HIBADH: variants seen among roughly 807,000 people sequenced by gnomAD.
HIBADH encodes 3-hydroxyisobutyrate dehydrogenase, also known as 3-hydroxyisobutyrate dehydrogenase, mitochondrial.
Under a neutral mutation model 36.1 loss-of-function variants are expected in HIBADH, and 25 were observed. The ratio of observed to expected loss-of-function variants is 0.69; its 90% CI spans 0.50 to 0.97. HIBADH has a LOEUF of 0.97. Among genes scored for constraint, HIBADH ranks in the 50% least tolerant of loss-of-function variants. The probability of loss-of-function intolerance (pLI) is 0.00; values close to 1 mark genes in which losing one functional copy is unlikely to be tolerated. For missense variants in HIBADH, 421 were observed against 418.0 expected, an observed-to-expected ratio of 1.01 and a Z score of -0.06; for synonymous variants, 160 against 149.5, an observed-to-expected ratio of 1.07 and a Z score of -0.51.
intron 4 of HIBADH, among the ~76,000 whole-genome samples, chr7:27,614,614 A>G (rs564363234): frequency 6.6e-6 from 1 of 152,248 alleles, no homozygotes; most frequent in Non-Finnish European, 1.5e-5. Context: ...TGTCCTTGCA[A>G]TAGCATGGAT....
intron 4 of HIBADH, among the ~76,000 whole-genome samples, chr7:27,583,463 T>C (rs1231230011): frequency 2.6e-5 from 4 of 151,888 alleles, no homozygotes. Flanking sequence ...CTACCTTCCT[T>C]TTCAAGAAAA....
rs546872477 is a variant in HIBADH, at chr7:27,565,902, C to T, written c.485-22802G>A. 7.9e-5 allele frequency among the ~76,000 whole-genome samples: 12 copies of T among 152,100 alleles called. No individual in the cohort carries two copies. The South Asian group carries it at 2.3e-3, about 29-fold the overall frequency. Reference sequence around the variant, plus strand: ...AGATATATGTCATCTATATGTCATACATACATTATATTCTGTATACATATA... The same window carrying T: ...AGATATATGTCATCTATATGTCATATATACATTATATTCTGTATACATATA... On this transcript the variant is annotated intron_variant, in intron 4 of 7. Coordinates refer to ENST00000265395, the MANE Select transcript of HIBADH (RefSeq NM_152740.4).
chr7:27,644,563 G>A (rs1052320173), intron 2 of HIBADH, among the ~76,000 whole-genome samples: 1 of 144,532 alleles, frequency 6.9e-6, no homozygotes, highest in Non-Finnish European at 1.5e-5. Context: ...TTGCGCCACT[G>A]CACTCCAGCC....
Position 27,645,380 on chromosome 7 carries a change from T to TG in HIBADH, c.252+4092_252+4093insC, listed in dbSNP as rs1562657279. Among the ~76,000 whole-genome samples, 48 of 128,788 alleles carry TG rather than the reference T, an allele frequency of 3.7e-4. 1 individual carries two copies. Among genetic ancestry groups the TG allele is most frequent in the African/African-American group, 1.4e-3 (44 of 32,256 alleles). The allele number at this position is 128,788 out of a possible 152,430, so 84.5% of individuals were successfully genotyped here. On this transcript the variant is annotated intron_variant, in intron 2 of 7. Transcript: ENST00000265395. ...TCTCATGGTTTTGATTTTTTTTTTT[T>TG]TTTTTTTTTTTTTTTGAGACAGAGT...
rs576030289 is a variant in HIBADH, at chr7:27,661,379, G to A, written c.91+1319C>T. On this transcript the variant is annotated intron_variant, in intron 1 of 7. Transcript: ENST00000265395. ...GCTTTGGGAGGATCACTTGAGCGCA[G>A]GAGTTCAAGACCAGCCTGGGCAACA... is the stretch of plus-strand genomic sequence containing the variant. Among the ~76,000 whole-genome samples, 8 of 152,250 alleles carry A rather than the reference G, an allele frequency of 5.3e-5. No homozygotes were observed. The South Asian group carries it at 1.7e-3, about 32-fold the overall frequency.
At chr7:27,616,810 AT>A (rs747138124) in intron 4 of HIBADH, among the ~76,000 whole-genome samples, 11 of 151,126 alleles carry the variant, frequency 7.3e-5, no homozygotes, top group Non-Finnish European at 1.2e-4. Flanking sequence ...AAAAAAAAAA[AT>A]TTTTAATTAA....
chr7:27,576,430 T>C (rs1784711430), intron 4 of HIBADH, among the ~76,000 whole-genome samples: 1 of 152,218 alleles, frequency 6.6e-6, no homozygotes, highest in African/African-American at 2.4e-5. Context: ...CAAAGTTAAC[T>C]TGTCATTGAA....
intron 2 of HIBADH, among the ~76,000 whole-genome samples, chr7:27,640,906 C>T (rs1236104832): frequency 6.6e-6 from 1 of 152,130 alleles, no homozygotes; most frequent in African/African-American, 2.4e-5. Flanking sequence ...ATGGGACCAC[C>T]TTTATGTATG....
intron 2 of HIBADH, among the ~76,000 whole-genome samples, chr7:27,637,908 T>C (rs1785870216): frequency 6.6e-6 from 1 of 151,968 alleles, no homozygotes; most frequent in East Asian, 1.9e-4. Flanking sequence ...TAACAAGAAT[T>C]ACAAAATACT....
chr7:27,548,419 G>A (rs923165359), intron 4 of HIBADH, among the ~76,000 whole-genome samples: 2 of 151,906 alleles, frequency 1.3e-5, no homozygotes, highest in Non-Finnish European at 2.9e-5. Flanking sequence ...GAATGGAGGT[G>A]GGGGAAGGGA....
At chr7:27,636,052 A>C (rs1317540814) in intron 2 of HIBADH, among the ~76,000 whole-genome samples, 1 of 152,214 alleles carries the variant, frequency 6.6e-6, no homozygotes. Flanking sequence ...ATAAATTAAA[A>C]ATCTGTTTAA....
chr7:27,536,730 A>G (rs1784076556), intron 6 of HIBADH, among the ~76,000 whole-genome samples: 1 of 152,116 alleles, frequency 6.6e-6, no homozygotes, highest in Non-Finnish European at 1.5e-5. Context: ...ATCATCTTAT[A>G]GTAAGAGTTC....
chr7:27,566,216 A>C (rs1435610068), intron 4 of HIBADH, among the ~76,000 whole-genome samples: 1 of 152,168 alleles, frequency 6.6e-6, no homozygotes, highest in Non-Finnish European at 1.5e-5. Context: ...TTTCTAGAAG[A>C]AATTGTGTAG....
intron 4 of HIBADH, among the ~76,000 whole-genome samples, chr7:27,567,012 TAG>T (rs1430945941): frequency 3.3e-5 from 5 of 152,204 alleles, no homozygotes; most frequent in Non-Finnish European, 5.9e-5. Flanking sequence ...TGTTGCTGCA[TAG>T]AGTGTTCTAT....
At chr7:27,539,222 C>T (rs1784112009) in intron 5 of HIBADH, among the ~76,000 whole-genome samples, 1 of 152,104 alleles carries the variant, frequency 6.6e-6, no homozygotes, top group South Asian at 2.1e-4. Flanking sequence ...GTAAATTTGA[C>T]ATTCAGAGAC....
intron 4 of HIBADH, among the ~76,000 whole-genome samples, chr7:27,552,107 C>T (rs1030733715): frequency 5.9e-5 from 9 of 152,214 alleles, no homozygotes; most frequent in African/African-American, 1.9e-4. Flanking sequence ...ATTAACTTTA[C>T]ACTTTATCAT....
At chr7:27,620,631 A>T (rs1459717802) in intron 4 of HIBADH, among the ~76,000 whole-genome samples, 2 of 152,196 alleles carry the variant, frequency 1.3e-5, no homozygotes, top group Non-Finnish European at 2.9e-5. Flanking sequence ...CCACTAGCCC[A>T]GCCCTACAAG....
chr7:27,527,917 C>CT lies in HIBADH; in HGVS notation c.853-1546_853-1545insA, dbSNP rs1562609863. Among the ~76,000 whole-genome samples the CT allele has an allele frequency of 1.4e-3, 106 of 77,030 alleles. 21 individuals are homozygous for CT. The highest frequency in any genetic ancestry group is 2.0e-3 in the African/African-American group (37 of 18,318). The allele number at this position is 77,030 out of a possible 152,430, so 50.5% of individuals were successfully genotyped here. ...AGGCATTTGCCACCACCACACCCAG[C>CT]GTTTTTTTTTTTTTTTTTTTTTTTT... is the stretch of plus-strand genomic sequence containing the variant. On this transcript the variant is annotated intron_variant, in intron 7 of 7. Coordinates refer to ENST00000265395, the MANE Select transcript of HIBADH (RefSeq NM_152740.4).
chr7:27,535,884 G>C (rs1026418901), intron 6 of HIBADH, among the ~76,000 whole-genome samples: 7 of 152,058 alleles, frequency 4.6e-5, no homozygotes, highest in Admixed American at 4.6e-4. Flanking sequence ...AAGGGGAACA[G>C]TGTTCCAGAA....
Sources: gnomAD v4.1 joint callset for allele counts (sites outside exome capture counted in the v4.1 genomes callset) on GRCh38, gnomAD v4.1.1 for gene constraint, MANE v1.5 for transcripts, NCBI Gene and HGNC (gene_info 2026-07-23, HGNC 2026-07-21) for gene names.